The following HMGCS2 variants were observed in gnomAD, a reference collection of about 807,000 sequenced individuals.
HMGCS2 encodes 3-hydroxy-3-methylglutaryl-CoA synthase 2.
In HMGCS2, 50 loss-of-function variants were observed where a neutral mutation model predicts 57.4. The observed-to-expected ratio is 0.87, with a 90% CI of 0.69 to 1.10. The LOEUF (loss-of-function observed/expected upper bound fraction) is 1.10. Ranked by LOEUF, HMGCS2 falls within the 50% of genes least tolerant of loss-of-function variation. The pLI is 0.00. For missense variants in HMGCS2, 627 were observed against 636.5 expected (o/e 0.99, Z 0.16); for synonymous variants, 254 against 245.1 (o/e 1.04, Z -0.34).
intron 1 of HMGCS2, among the ~76,000 whole-genome samples, chr1:119,765,087 T>A (rs968810779): frequency 1.3e-5 from 2 of 152,180 alleles, no homozygotes; most frequent in Admixed American, 1.3e-4. Context: ...TGGAACTAAA[T>A]CTTTTTTTTT....
rs71074435 is a variant in HMGCS2, at chr1:119,753,410, AACACAC to A, written c.1188-30_1188-25del. ...GGCTGTGGGGAAAGAAATCAAATAA[AACACAC>A]ACACACACACACACACACACACACA... On this transcript the variant is annotated intron_variant, in intron 6 of 9. Coordinates refer to ENST00000369406, the MANE Select transcript of HMGCS2 (RefSeq NM_005518.4). 0.021 allele frequency: 15,798 copies of A among 743,202 alleles called. 136 individuals are homozygous for A. The highest frequency in any genetic ancestry group is 0.061 in the African/African-American group (3,416 of 56,252). 46.0% of individuals were successfully genotyped at this position (743,202 alleles called of 1,614,324 possible).
At chr1:119,751,965 T>C (rs1274272044) in intron 8 of HMGCS2, among the ~76,000 whole-genome samples, 1 of 151,812 alleles carries the variant, frequency 6.6e-6, no homozygotes, top group Non-Finnish European at 1.5e-5. Context: ...CCTTTGGGTT[T>C]CATTTTCCTT....
At position 119,760,003 on chromosome 1, in the gene HMGCS2, C is replaced by A; in HGVS notation, c.560-14G>T. 6.2e-7 allele frequency: 1 copy of A among 1,613,118 alleles called. No homozygotes were observed. On this transcript the variant is annotated splice_polypyrimidine_tract_variant and intron_variant, in intron 2 of 9. Coordinates refer to ENST00000369406, the MANE Select transcript of HMGCS2 (RefSeq NM_005518.4). ...TGGCATAACGACCTGTAAAGAGAAA[C>A]AAGAAATATTTACCATCATTACCAA...
intron 7 of HMGCS2, 44 bp downstream of exon 7, chr1:119,753,236 A>G: frequency 8.7e-7 from 1 of 1,155,922 alleles, no homozygotes. Flanking sequence ...TTATTCTACC[A>G]GATGAATCTT....
chr1:119,755,729 A>T, intron 5 of HMGCS2, 132 bp from the exon 6 acceptor site: 3 of 839,428 alleles, frequency 3.6e-6, no homozygotes, highest in Non-Finnish European at 6.3e-6. Flanking sequence ...AATACAGAAC[A>T]GTACAGAGGA....
At chr1:119,768,917 C>T (rs1450484694), upstream of HMGCS2, 1 of 1,053,372 alleles carries the variant, frequency 9.5e-7, no homozygotes, top group Non-Finnish European at 1.5e-6. Context: ...CCCAGTGGTG[C>T]CCGGCAGGAC....
chr1:119,758,014 C>T (rs1051805210), intron 4 of HMGCS2, among the ~76,000 whole-genome samples: 1 of 152,238 alleles, frequency 6.6e-6, no homozygotes, highest in African/African-American at 2.4e-5. Flanking sequence ...GGCAGAGAGG[C>T]CCAAAGCAAC....
intron 2 of HMGCS2, among the ~76,000 whole-genome samples, chr1:119,761,119 T>G (rs1275730490): frequency 1.4e-5 from 2 of 148,134 alleles, no homozygotes; most frequent in African/African-American, 4.9e-5. Flanking sequence ...TTTATATAAA[T>G]ATATAAATGT....
intron 4 of HMGCS2, 67 bp downstream of exon 4, chr1:119,759,051 G>A: frequency 6.8e-7 from 1 of 1,478,528 alleles, no homozygotes; most frequent in Non-Finnish European, 9.5e-7. Flanking sequence ...CCATCTCATG[G>A]CCTTTGGGTA....
At chr1:119,759,329 C>T in intron 3 of HMGCS2, 47 bp from the exon 4 acceptor site, 1 of 1,577,462 alleles carries the variant, frequency 6.3e-7, no homozygotes, top group Non-Finnish European at 8.7e-7. Context: ...ATGCAGCCTA[C>T]CTTGAGCACA....
chr1:119,759,385 G>A, intron 3 of HMGCS2, 103 bp from the exon 4 acceptor site: 3 of 1,139,198 alleles, frequency 2.6e-6, no homozygotes, highest in South Asian at 1.3e-5. Flanking sequence ...CATTATCTGT[G>A]TCCCATGCCC....
chr1:119,759,154 A>T lies in HMGCS2; in HGVS notation c.814T>A (p.Ser272Thr). Residue 272 changes from serine to threonine, a missense_variant, in exon 4 of 10, where the codon TCA becomes ACA. Transcript: ENST00000369406. Reference sequence around the variant, plus strand: ...TGATTCTGGATTTTTTTACGGTATGATGTGTAACATCGATCCAAGGCCCGC... The same window carrying T: ...TGATTCTGGATTTTTTTACGGTATGTTGTGTAACATCGATCCAAGGCCCGC... ...YLRALDRCYT[S>T]YRKKIQNQWK... 1.2e-6 allele frequency: 2 copies of T among 1,614,110 alleles called. No individual in the cohort carries two copies. Among genetic ancestry groups the T allele is most frequent in the African/African-American group, 1.3e-5 (1 of 75,028 alleles).
At chr1:119,765,799 A>G (rs1462076529) in intron 1 of HMGCS2, among the ~76,000 whole-genome samples, 2 of 152,064 alleles carry the variant, frequency 1.3e-5, no homozygotes, top group East Asian at 1.9e-4. Context: ...CTGTTTTCCT[A>G]CTTTTAAGTA....
At chr1:119,753,966 C>A (rs1181531074) in intron 6 of HMGCS2, among the ~76,000 whole-genome samples, 2 of 151,690 alleles carry the variant, frequency 1.3e-5, no homozygotes, top group African/African-American at 4.8e-5. Flanking sequence ...CTCACTGCAG[C>A]CTTTACCTCC....
At chr1:119,761,002 C>T (rs1048639647) in intron 2 of HMGCS2, among the ~76,000 whole-genome samples, 3 of 151,926 alleles carry the variant, frequency 2.0e-5, no homozygotes, top group African/African-American at 7.3e-5. Flanking sequence ...GGGACCTTCT[C>T]TTAAGAATTA....
At chr1:119,768,505 C>G (rs1653312648) in intron 1 of HMGCS2, among the ~76,000 whole-genome samples, 1 of 152,142 alleles carries the variant, frequency 6.6e-6, no homozygotes, top group African/African-American at 2.4e-5. Flanking sequence ...GTAAAAGTTG[C>G]CATTGCTCAC....
rs112686539 is a variant in HMGCS2, at chr1:119,765,729, A to G, written c.105-1103T>C. ...AATTATACAATCTTTACTCATTTTA[A>G]AAGTGTACCTCTAATTACATGTCTT... On this transcript the variant is annotated intron_variant, in intron 1 of 9. Transcript: ENST00000369406. Among the ~76,000 whole-genome samples the G allele has an allele frequency of 3.6e-3, 540 of 151,866 alleles. 3 individuals carry two copies. The highest frequency in any genetic ancestry group is 0.013 in the African/African-American group (523 of 41,418).
At chr1:119,765,378 C>T (rs988653206) in intron 1 of HMGCS2, among the ~76,000 whole-genome samples, 3 of 152,244 alleles carry the variant, frequency 2.0e-5, no homozygotes, top group African/African-American at 7.2e-5. Context: ...AGGCGTGAGC[C>T]ACCACGCCCA....
chr1:119,756,543 T>G (rs1232304061), intron 5 of HMGCS2, among the ~76,000 whole-genome samples: 2 of 152,172 alleles, frequency 1.3e-5, no homozygotes, highest in African/African-American at 4.8e-5. Flanking sequence ...TTGATAAAAT[T>G]GACCAAAATT....
Sources: allele counts gnomAD v4.1 joint callset (sites outside exome capture counted in the v4.1 genomes callset), GRCh38; gene constraint gnomAD v4.1.1; transcripts MANE v1.5; gene names NCBI Gene and HGNC (gene_info 2026-07-23, HGNC 2026-07-21).